The following SLC14A2 variants were observed in gnomAD, a reference collection of about 807,000 sequenced individuals.
SLC14A2 encodes the protein solute carrier family 14 member 2, also known as urea transporter 2.
Under a neutral mutation model 104.6 loss-of-function variants are expected in SLC14A2, and 91 were observed. The ratio of observed to expected loss-of-function variants is 0.87; its 90% CI spans 0.73 to 1.04. The LOEUF (loss-of-function observed/expected upper bound fraction) is 1.04, where lower values mean the gene tolerates loss of function less well. Among genes scored for constraint, SLC14A2 ranks in the 50% least tolerant of loss-of-function variants. The pLI is 0.00. For missense variants in SLC14A2, 1,189 were observed against 1,156.0 expected (o/e 1.03, Z -0.41); for synonymous variants, 476 against 466.4 (o/e 1.02, Z -0.27).
intron 18 of SLC14A2, among the ~76,000 whole-genome samples, chr18:45,677,416 C>T (rs2144661519): frequency 6.6e-6 from 1 of 152,278 alleles, no homozygotes; most frequent in African/African-American, 2.4e-5. Flanking sequence ...CTCTTTCCAA[C>T]CTCAGATCTG....
intron 2 of SLC14A2, among the ~76,000 whole-genome samples, chr18:45,526,869 C>T (rs1276966447): frequency 2.0e-5 from 3 of 151,930 alleles, no homozygotes; most frequent in Admixed American, 1.3e-4. Flanking sequence ...TCACCATGAC[C>T]CCACAAAGAG....
chr18:45,464,196 A>T (rs1305610886), intron 1 of SLC14A2, among the ~76,000 whole-genome samples: 1 of 152,182 alleles, frequency 6.6e-6, no homozygotes, highest in Non-Finnish European at 1.5e-5. Flanking sequence ...GAACCTAAAT[A>T]TCTGAGTTCT....
chr18:45,342,826 C>T (rs773328537), intron 1 of SLC14A2, among the ~76,000 whole-genome samples: 2 of 152,324 alleles, frequency 1.3e-5, no homozygotes, highest in East Asian at 3.9e-4. Context: ...ACTGGTGATT[C>T]TCTGAAACTT....
At chr18:45,237,446 T>C (rs1222290979) in intron 1 of SLC14A2, among the ~76,000 whole-genome samples, 1 of 152,170 alleles carries the variant, frequency 6.6e-6, no homozygotes, top group Non-Finnish European at 1.5e-5. Flanking sequence ...AGCCTTCCTT[T>C]CCAGCCCCTT....
chr18:45,635,105 G>C (rs930291635), intron 5 of SLC14A2, among the ~76,000 whole-genome samples: 2 of 152,132 alleles, frequency 1.3e-5, no homozygotes, highest in African/African-American at 2.4e-5. Context: ...AAAAGACCAA[G>C]AGAAGAACTG....
intron 1 of SLC14A2, among the ~76,000 whole-genome samples, chr18:45,329,881 T>C (rs1412449614): frequency 6.6e-6 from 1 of 152,160 alleles, no homozygotes; most frequent in African/African-American, 2.4e-5. Flanking sequence ...AAATTCCAAG[T>C]CATCATGGTT....
At chr18:45,190,770 T>C in the SLC14A2 span, among the ~76,000 whole-genome samples, 5 of 152,130 alleles carry the variant, frequency 3.3e-5, no homozygotes, top group African/African-American at 1.2e-4. Context: ...ATTTAATTGA[T>C]CAACCAAAAA....
intron 1 of SLC14A2, among the ~76,000 whole-genome samples, chr18:45,265,061 T>C (rs1159011626): frequency 1.3e-5 from 2 of 152,158 alleles, no homozygotes; most frequent in Non-Finnish European, 2.9e-5. Flanking sequence ...GCCATGTCTT[T>C]GTATGCACCT....
chr18:45,628,713 A>G (rs2045300517), intron 4 of SLC14A2, among the ~76,000 whole-genome samples: 1 of 151,698 alleles, frequency 6.6e-6, no homozygotes, highest in Admixed American at 6.6e-5. Context: ...AAAACTGATG[A>G]GAGTTATCTA....
chr18:45,278,850 G>C (rs1815617052), intron 1 of SLC14A2, among the ~76,000 whole-genome samples: 1 of 152,170 alleles, frequency 6.6e-6, no homozygotes, highest in Non-Finnish European at 1.5e-5. Context: ...TGAAGGGTTT[G>C]GTTTACTTTT....
At chr18:45,223,890 T>A (rs2084088161) in intron 1 of SLC14A2, among the ~76,000 whole-genome samples, 3 of 152,188 alleles carry the variant, frequency 2.0e-5, no homozygotes, top group Admixed American at 1.3e-4. Flanking sequence ...GAGGTGCTCC[T>A]TTGATGAGAA....
chr18:45,467,394 C>T (rs1457319200), intron 1 of SLC14A2, among the ~76,000 whole-genome samples: 2 of 152,178 alleles, frequency 1.3e-5, no homozygotes, highest in African/African-American at 4.8e-5. Flanking sequence ...GGTTTGGCAT[C>T]AGCCCCTGCA....
At chr18:45,269,206 G>A (rs1373145591) in intron 1 of SLC14A2, among the ~76,000 whole-genome samples, 1 of 152,018 alleles carries the variant, frequency 6.6e-6, no homozygotes, top group African/African-American at 2.4e-5. Flanking sequence ...GAGTGGATAG[G>A]CTGGATTTCA....
chr18:45,261,564 C>T (rs1022682473), intron 1 of SLC14A2, among the ~76,000 whole-genome samples: 25 of 151,800 alleles, frequency 1.6e-4, no homozygotes, highest in South Asian at 6.3e-4. Context: ...CCCTCTCCCC[C>T]AACCCCACAA....
intron 10 of SLC14A2, among the ~76,000 whole-genome samples, chr18:45,650,843 G>A (rs1325849327): frequency 1.3e-5 from 2 of 152,068 alleles, no homozygotes; most frequent in Non-Finnish European, 2.9e-5. Flanking sequence ...AGGTTCAAGC[G>A]ATTCTCCTGC....
chr18:45,178,741 A>G, the SLC14A2 span, among the ~76,000 whole-genome samples: 1 of 152,162 alleles, frequency 6.6e-6, no homozygotes, highest in African/African-American at 2.4e-5. Context: ...TTATTTCTAC[A>G]AATAAGAAAA....
chr18:45,634,931 A>C (rs755156409), intron 5 of SLC14A2: 5 of 455,290 alleles, frequency 1.1e-5, no homozygotes, highest in African/African-American at 2.0e-5. Context: ...TTTAGATTAG[A>C]GTGATATCCA....
chr18:45,343,321 T>A, intron 1 of SLC14A2, among the ~76,000 whole-genome samples: 1 of 152,092 alleles, frequency 6.6e-6, no homozygotes, highest in East Asian at 1.9e-4. Flanking sequence ...GCCTTGTGCC[T>A]GCCAGTATGT....
intron 1 of SLC14A2, among the ~76,000 whole-genome samples, chr18:45,268,880 T>C (rs2084620603): frequency 6.6e-6 from 1 of 151,892 alleles, no homozygotes; most frequent in Non-Finnish European, 1.5e-5. Context: ...GTGGAGGAAT[T>C]GAAGTGGAGG....
Sources: gnomAD v4.1 joint callset for allele counts (sites outside exome capture counted in the v4.1 genomes callset) on GRCh38, gnomAD v4.1.1 for gene constraint, MANE v1.5 for transcripts, NCBI Gene and HGNC (gene_info 2026-07-23, HGNC 2026-07-21) for gene names.